SLC3A2: variants seen among roughly 807,000 people sequenced by gnomAD.
The protein encoded by SLC3A2 is amino acid transporter heavy chain SLC3A2.
Under a neutral mutation model 48.5 loss-of-function variants are expected in SLC3A2, and 32 were observed. The observed-to-expected ratio is 0.66, with a 90% CI of 0.50 to 0.89. SLC3A2 has a LOEUF of 0.89. Ranked by LOEUF, SLC3A2 falls within the 40% of genes least tolerant of loss-of-function variation. The pLI is 0.00. For missense variants in SLC3A2, 587 were observed against 680.7 expected (o/e 0.86, Z 1.53); for synonymous variants, 277 against 288.8 (o/e 0.96, Z 0.41).
chr11:62,881,874 A>G lies in SLC3A2; in HGVS notation c.425-19A>G. On this transcript the variant is annotated intron_variant, in intron 1 of 8. Coordinates refer to ENST00000338663, the MANE Select transcript of SLC3A2 (RefSeq NM_001013251.3). This position sits in a 1 kb window ranked among gnomAD's most constrained non-coding sequence, Gnocchi z 4.0. ...GCCTCTCAGAGGGGCCTCACTTGTT[A>G]ACCCAGCCCCCATTTCAGGTCTGAA... 6.2e-7 allele frequency: 1 copy of G among 1,611,292 alleles called. No homozygotes were observed. Among genetic ancestry groups the G allele is most frequent in the East Asian group, 2.2e-5 (1 of 44,824 alleles).
chr11:62,887,519 A>C (rs1349694823), intron 7 of SLC3A2, among the ~76,000 whole-genome samples: 3 of 152,152 alleles, frequency 2.0e-5, no homozygotes, highest in Admixed American at 1.3e-4. Context: ...CCTAGCCAAC[A>C]TGGTGAAACC....
intron 1 of SLC3A2, chr11:62,870,967 T>C (rs1475020335): frequency 6.4e-6 from 1 of 155,978 alleles, no homozygotes; most frequent in Non-Finnish European, 1.4e-5. Context: ...AAGCTCCGCC[T>C]CCTGGGTTCA....
chr11:62,884,311 T>C lies in SLC3A2; in HGVS notation c.691-146T>C, dbSNP rs2085678479. On this transcript the variant is annotated intron_variant, in intron 3 of 8. Coordinates refer to ENST00000338663, the MANE Select transcript of SLC3A2 (RefSeq NM_001013251.3). ...GGGTCCAAAGGCTAAGCCTTTGTAG[T>C]GCAGGTGGGGAAGACCCAGGCAAGG... 6 of 757,984 alleles carry C rather than the reference T, an allele frequency of 7.9e-6. No individual in the cohort carries two copies. In the South Asian group the frequency reaches 9.6e-5, roughly 12 times the overall value. 47.0% of individuals were successfully genotyped at this position (757,984 alleles called of 1,614,324 possible). A position where few individuals can be genotyped will look rare whatever the true frequency, so the allele number is the denominator to read the frequency against.
At chr11:62,879,386 A>G (rs1428614400), upstream of SLC3A2, among the ~76,000 whole-genome samples, 1 of 152,212 alleles carries the variant, frequency 6.6e-6, no homozygotes, top group Admixed American at 6.5e-5. Context: ...GGTGACAGGC[A>G]TGAGTCACAC....
rs1299097501 is a variant in SLC3A2, at chr11:62,873,991, TTTTTTTTTTTTTTTTG to T, written c.113-7027_113-7012del. 1.0e-4 allele frequency among the ~76,000 whole-genome samples: 14 copies of T among 136,052 alleles called. No homozygotes were observed. The East Asian group carries it at 1.3e-3, about 12-fold the overall frequency. The allele number at this position is 136,052 out of a possible 152,430, so 89.3% of individuals were successfully genotyped here. ...CTAATTTTTTTTTTTTTTTTTTTTTTTTTTTTTTTTTTTTTGGAGAAAGAGTCTCAAATAATTTATG... is the reference window on the plus strand; with the variant it reads ...CTAATTTTTTTTTTTTTTTTTTTTTTGAGAAAGAGTCTCAAATAATTTATG... On this transcript the variant is annotated intron_variant, in intron 1 of 9. Coordinates refer to the SLC3A2 transcript ENST00000377889.
Position 62,888,697 on chromosome 11 carries a change from C to T in SLC3A2, c.*4C>T, listed in dbSNP as rs1333466576. Reference sequence around the variant, plus strand: ...CCGCTTCCCCTACGCGGCCTGACTTCAGCCTGACATGGACCCACTACCCTT... The same window carrying T: ...CCGCTTCCCCTACGCGGCCTGACTTTAGCCTGACATGGACCCACTACCCTT... On this transcript the variant is annotated 3_prime_UTR_variant, in exon 9 of 9. Coordinates refer to ENST00000338663, the MANE Select transcript of SLC3A2 (RefSeq NM_001013251.3). 1.3e-6 allele frequency: 2 copies of T among 1,585,552 alleles called. No homozygotes were observed. The highest frequency in any genetic ancestry group is 1.7e-6 in the Non-Finnish European group (2 of 1,170,168).
rs183221560 is a variant in SLC3A2 at position 62,856,895 on chromosome 11, A to G, written c.112+514A>G. On this transcript the variant is annotated intron_variant, in intron 1 of 9. Coordinates refer to the SLC3A2 transcript ENST00000377889. ...GGCTGGAATGCAATGGCCCGATCTC[A>G]GCTCACTGCATTCCACCTCCCGGGT... is the stretch of plus-strand genomic sequence containing the variant. 2.5e-4 allele frequency among the ~76,000 whole-genome samples: 35 copies of G among 142,798 alleles called. 1 individual carries two copies. In the East Asian group the frequency reaches 6.5e-3, roughly 27 times the overall value. 93.7% of individuals were successfully genotyped at this position (142,798 alleles called of 152,430 possible).
chr11:62,862,483 C>G (rs1565243395), intron 1 of SLC3A2, among the ~76,000 whole-genome samples: 1 of 151,964 alleles, frequency 6.6e-6, no homozygotes, highest in Non-Finnish European at 1.5e-5. Flanking sequence ...GATGAAACCC[C>G]CATCTCTACA....
At chr11:62,878,615 G>A (rs1192362618), upstream of SLC3A2, among the ~76,000 whole-genome samples, 1 of 147,684 alleles carries the variant, frequency 6.8e-6, no homozygotes, top group Admixed American at 6.8e-5. Context: ...ACAGGCACCC[G>A]CCACCACGCC....
chr11:62,874,261 G>A (rs867099273), intron 1 of SLC3A2, among the ~76,000 whole-genome samples: 1 of 151,798 alleles, frequency 6.6e-6, no homozygotes, highest in African/African-American at 2.4e-5. Context: ...TTTTTGATGA[G>A]ATTAAGTATT....
At position 62,881,735 on chromosome 11, in the gene SLC3A2, C is replaced by T. The variant is rs1590633104; in HGVS notation, c.425-158C>T. ...GTTTCTGAAGTAATGTGCAGGACTC[C>T]TTACATCAGCTCCTCTGAGTCTCGT... is the stretch of plus-strand genomic sequence containing the variant. On this transcript the variant is annotated intron_variant, in intron 1 of 8. Transcript: ENST00000338663. The surrounding 1 kb of genome is among the most constrained non-coding windows in gnomAD (Gnocchi z 4.0). 4.5e-6 allele frequency: 4 copies of T among 893,868 alleles called. No homozygotes were observed. The East Asian group carries it at 7.9e-5, about 18-fold the overall frequency. 55.4% of individuals were successfully genotyped at this position (893,868 alleles called of 1,614,324 possible).
rs764080089 is a variant in SLC3A2 at position 62,888,223 on chromosome 11, G to A, written c.1227+5G>A. 2 of 1,613,946 alleles carry A rather than the reference G, an allele frequency of 1.2e-6. No homozygotes were observed. Among genetic ancestry groups the A allele is most frequent in the Non-Finnish European group, 8.5e-7 (1 of 1,179,948 alleles). On this transcript the variant is annotated splice_donor_5th_base_variant and intron_variant, in intron 8 of 8. Coordinates refer to ENST00000338663, the MANE Select transcript of SLC3A2 (RefSeq NM_001013251.3). Reference sequence around the variant, plus strand: ...AGTGCCAACATGACTGTGAAGGTAAGAGTTCTAGATGGGTAGAAACTGACC... The same window carrying A: ...AGTGCCAACATGACTGTGAAGGTAAAAGTTCTAGATGGGTAGAAACTGACC...
intron 7 of SLC3A2, among the ~76,000 whole-genome samples, chr11:62,887,643 C>T (rs2085731529): frequency 6.9e-6 from 1 of 145,680 alleles, no homozygotes; most frequent in Non-Finnish European, 1.5e-5. Flanking sequence ...GCAGAGATTG[C>T]AGTAAGCCAA....
At chr11:62,868,199 G>GGT (rs1243076296) in intron 1 of SLC3A2, among the ~76,000 whole-genome samples, 3 of 152,146 alleles carry the variant, frequency 2.0e-5, no homozygotes, top group Non-Finnish European at 4.4e-5. Context: ...TAGGATTACA[G>GGT]GTGTGAGCCA....
intron 1 of SLC3A2, among the ~76,000 whole-genome samples, chr11:62,868,533 T>G (rs908963858): frequency 2.6e-5 from 4 of 151,416 alleles, no homozygotes; most frequent in Non-Finnish European, 5.9e-5. Flanking sequence ...GCCTGGCTAA[T>G]TTTTTGTATT....
intron 1 of SLC3A2, among the ~76,000 whole-genome samples, chr11:62,872,588 G>A (rs2085529088): frequency 6.6e-6 from 1 of 152,276 alleles, no homozygotes; most frequent in Admixed American, 6.5e-5. Context: ...TAAGAGACTT[G>A]GTGTTGAAAT....
intron 1 of SLC3A2, among the ~76,000 whole-genome samples, chr11:62,875,372 C>T (rs145068070): frequency 0.024 from 3,645 of 152,160 alleles, 129 homozygotes; most frequent in African/African-American, 0.082. Flanking sequence ...TGGTGAAACC[C>T]CGTCTCTACT....
upstream of SLC3A2, among the ~76,000 whole-genome samples, chr11:62,876,512 C>T (rs2085572284): frequency 6.6e-6 from 1 of 152,144 alleles, no homozygotes; most frequent in African/African-American, 2.4e-5. Flanking sequence ...AGGCTCTTTA[C>T]TCACCTCTGG....
At chr11:62,868,740 G>A (rs1459964732) in intron 1 of SLC3A2, among the ~76,000 whole-genome samples, 1 of 152,092 alleles carries the variant, frequency 6.6e-6, no homozygotes, top group Non-Finnish European at 1.5e-5. Context: ...TGCCACTTAT[G>A]CAATTTGTAT....
Sources: allele counts gnomAD v4.1 joint callset (sites outside exome capture counted in the v4.1 genomes callset), GRCh38; gene constraint gnomAD v4.1.1; non-coding constraint Gnocchi (gnomAD v3.1); transcripts MANE v1.5; gene names NCBI Gene and HGNC (gene_info 2026-07-23, HGNC 2026-07-21).